FAAH2: variants seen among roughly 807,000 people sequenced by gnomAD.
FAAH2 encodes the protein fatty-acid amide hydrolase 2.
In FAAH2, 60 loss-of-function variants were observed where a neutral mutation model predicts 36.9. The ratio of observed to expected loss-of-function variants is 1.63; its 90% CI spans 1.32 to 2.02. The LOEUF is 2.02. Among genes scored for constraint, FAAH2 ranks in the 30% most tolerant of loss-of-function variants. FAAH2 has a pLI of 0.00. For missense variants in FAAH2, 689 were observed against 397.5 expected, an observed-to-expected ratio of 1.73 and a Z score of -6.23; for synonymous variants, 214 against 143.8, an observed-to-expected ratio of 1.49 and a Z score of -3.49.
chrX:57,171,183 A>G, the FAAH2 span, among the ~76,000 whole-genome samples: 2 of 111,740 alleles, frequency 1.8e-5, no homozygotes, highest in African/African-American at 6.5e-5. Flanking sequence ...GGTTGATTCC[A>G]TATCTTTGCA....
the FAAH2 span, chrX:57,135,838 A>T: frequency 1.7e-6 from 2 of 1,192,622 alleles, no homozygotes; most frequent in Non-Finnish European, 2.2e-6. Flanking sequence ...TTTTTCACCA[A>T]ATCGTAGACA....
chrX:57,312,000 T>C (rs938943388), intron 3 of FAAH2, among the ~76,000 whole-genome samples: 3 of 112,040 alleles, frequency 2.7e-5, no homozygotes, highest in Non-Finnish European at 5.6e-5. Flanking sequence ...CAAGGTGAGA[T>C]GGGGCATGCC....
chrX:57,432,066 T>C (rs778324063), intron 8 of FAAH2, 29 bp downstream of exon 8: 1 of 1,162,630 alleles, frequency 8.6e-7, no homozygotes, highest in Non-Finnish European at 1.2e-6. Context: ...TTACTTACTT[T>C]TTTCTTTGTG....
Position 57,392,977 on chromosome X carries a change from C to G in FAAH2, c.996+11948C>G, listed in dbSNP as rs1031257788. ...TTCTGTGCAATGATCCTGATTTTAT[C>G]CTCAACTGGGAGCTTGAGGTCATAA... On this transcript the variant is annotated intron_variant, in intron 7 of 10. Coordinates refer to ENST00000374900, the MANE Select transcript of FAAH2 (RefSeq NM_174912.4). The G allele has an allele frequency of 5.5e-5, 51 of 932,392 alleles. No individual in the cohort carries two copies. In the South Asian group the frequency reaches 9.2e-4, roughly 17 times the overall value. The allele number at this position is 932,392 out of a possible 1,213,427, so 76.8% of individuals were successfully genotyped here. A position where few individuals can be genotyped will look rare whatever the true frequency, so the allele number is the denominator to read the frequency against.
the FAAH2 span, among the ~76,000 whole-genome samples, chrX:57,248,833 C>A: frequency 3.3e-3 from 234 of 70,543 alleles, 1 homozygote; most frequent in African/African-American, 0.013. Flanking sequence ...AGCATGTGAA[C>A]GTTGGAATGC....
intron 10 of FAAH2, among the ~76,000 whole-genome samples, chrX:57,452,685 C>T (rs1224404073): frequency 1.8e-5 from 2 of 111,690 alleles, no homozygotes; most frequent in Admixed American, 1.9e-4. Context: ...GAATGAACAT[C>T]CCAGAATAAC....
chrX:57,437,692 T>C (rs1192721341), intron 8 of FAAH2, among the ~76,000 whole-genome samples: 1 of 95,530 alleles, frequency 1.0e-5, no homozygotes, highest in Non-Finnish European at 2.0e-5. Context: ...ATATAATGTA[T>C]ATATTACATA....
Position 57,331,680 on chromosome X carries a change from A to T in FAAH2, c.495A>T (p.Gly165=), listed in dbSNP as rs768128846. The change falls in exon 4 of 11, where the codon GGA becomes GGT. Residue 165 remains glycine (G), a synonymous_variant. Transcript: ENST00000374900. ...TDATVVALLK[G]AGAIPLGITN... ...CCACTGTGGTGGCATTACTGAAGGG[A>T]GCTGGTGCCATTCCTCTTGGCATAA... is the stretch of plus-strand genomic sequence containing the variant. 1.2e-4 allele frequency: 151 copies of T among 1,209,674 alleles called. No homozygotes were observed. The highest frequency in any genetic ancestry group is 1.1e-3 in the Middle Eastern group (5 of 4,369).
At chrX:57,362,197 T>G (rs1213205976) in intron 5 of FAAH2, among the ~76,000 whole-genome samples, 1 of 111,460 alleles carries the variant, frequency 9.0e-6, no homozygotes, top group Non-Finnish European at 1.9e-5. Flanking sequence ...TTCATGTCCT[T>G]TGCAGGGACA....
At chrX:57,129,725 G>C in the FAAH2 span, among the ~76,000 whole-genome samples, 1 of 111,757 alleles carries the variant, frequency 8.9e-6, no homozygotes, top group South Asian at 3.7e-4. Context: ...CATAAATAAT[G>C]ATGGGTTAAA....
chrX:57,229,951 AT>A, the FAAH2 span, among the ~76,000 whole-genome samples: 2 of 111,690 alleles, frequency 1.8e-5, no homozygotes, highest in African/African-American at 3.3e-5. Context: ...CTCTACTTTT[AT>A]TTAGGAACCC....
chrX:57,454,824 T>A (rs1397860917), intron 10 of FAAH2, among the ~76,000 whole-genome samples: 1 of 112,111 alleles, frequency 8.9e-6, no homozygotes, highest in South Asian at 3.7e-4. Flanking sequence ...ACCAAATGTA[T>A]GACTCATGGT....
At chrX:57,193,968 A>G in the FAAH2 span, among the ~76,000 whole-genome samples, 22 of 111,121 alleles carry the variant, frequency 2.0e-4, no homozygotes, top group African/African-American at 6.9e-4. Context: ...AGAAATATTG[A>G]CCTATAGTTT....
At chrX:57,208,341 T>C in the FAAH2 span, among the ~76,000 whole-genome samples, 2 of 112,381 alleles carry the variant, frequency 1.8e-5, no homozygotes, top group South Asian at 7.4e-4. Flanking sequence ...TTCCTCATCA[T>C]TAGTGTGAAA....
intron 7 of FAAH2, among the ~76,000 whole-genome samples, chrX:57,397,220 C>T (rs1463309790): frequency 9.0e-6 from 1 of 111,536 alleles, no homozygotes; most frequent in Non-Finnish European, 1.9e-5. Flanking sequence ...ATCCAATATG[C>T]CAGCCTATAT....
the FAAH2 span, among the ~76,000 whole-genome samples, chrX:57,184,312 C>T: frequency 8.1e-5 from 9 of 111,464 alleles, no homozygotes; most frequent in East Asian, 2.5e-3. Context: ...ATACCTACTC[C>T]CTGTTCTTAC....
chrX:57,340,945 A>G (rs2053671538), intron 4 of FAAH2, among the ~76,000 whole-genome samples: 1 of 110,540 alleles, frequency 9.0e-6, no homozygotes, highest in Non-Finnish European at 1.9e-5. Context: ...TGAACCCCAG[A>G]ACTTAAAAGT....
chrX:57,271,792 GA>G, the FAAH2 span, among the ~76,000 whole-genome samples: 736 of 106,532 alleles, frequency 6.9e-3, 4 homozygotes, highest in Middle Eastern at 0.02. Context: ...AGATAGGAAA[GA>G]AAAAAAAAAG....
chrX:57,366,230 TTTCTTTGATG>T (rs2147159084), intron 5 of FAAH2, among the ~76,000 whole-genome samples: 1 of 111,881 alleles, frequency 8.9e-6, no homozygotes, highest in East Asian at 2.8e-4. Context: ...TGCTTTTTTC[TTTCTTTGATG>T]TTCTTGAGGG....
Sources: allele counts gnomAD v4.1 joint callset (sites outside exome capture counted in the v4.1 genomes callset), GRCh38; gene constraint gnomAD v4.1.1; transcripts MANE v1.5; gene names NCBI Gene and HGNC (gene_info 2026-07-23, HGNC 2026-07-21).